EPHA3: variants seen among roughly 807,000 people sequenced by gnomAD.
EPHA3 encodes ephrin type-A receptor 3.
A neutral mutation model predicts 107.1 loss-of-function variants in EPHA3; 42 were observed. The observed-to-expected ratio is 0.39, with a 90% CI of 0.31 to 0.51. EPHA3 has a LOEUF of 0.51. EPHA3 is among the 20% of genes least tolerant of loss of function. The probability of loss-of-function intolerance (pLI) is 0.78; values close to 1 mark genes in which losing one functional copy is unlikely to be tolerated. For synonymous variants in EPHA3, 461 were observed against 424.8 expected (o/e 1.09, Z -1.05); for missense variants, 1,183 against 1,211.2 (o/e 0.98, Z 0.35).
At chr3:89,116,719 T>TAAA (rs140739470) in intron 1 of EPHA3, among the ~76,000 whole-genome samples, 3 of 132,570 alleles carry the variant, frequency 2.3e-5, no homozygotes, top group African/African-American at 5.6e-5. Flanking sequence ...ACTGTAACAT[T>TAAA]AAAAAAAAAA....
At chr3:89,423,291 G>GCTTTCAC (rs1440900927) in intron 11 of EPHA3, among the ~76,000 whole-genome samples, 47 of 151,510 alleles carry the variant, frequency 3.1e-4, no homozygotes, top group African/African-American at 1.1e-3. Context: ...AGTGGCATGA[G>GCTTTCAC]TATCCACTTT....
chr3:89,282,493 T>C (rs930288373), intron 3 of EPHA3, among the ~76,000 whole-genome samples: 6 of 152,100 alleles, frequency 3.9e-5, no homozygotes, highest in Non-Finnish European at 8.8e-5. Context: ...CTTTTTTTTG[T>C]AGTTTCCACT....
At chr3:89,373,776 G>A (rs1365265004) in intron 5 of EPHA3, among the ~76,000 whole-genome samples, 1 of 151,748 alleles carries the variant, frequency 6.6e-6, no homozygotes, top group Non-Finnish European at 1.5e-5. Flanking sequence ...TTCCATCCTG[G>A]ATCAGGCTTC....
intron 11 of EPHA3, among the ~76,000 whole-genome samples, chr3:89,421,726 T>C (rs1343918001): frequency 6.6e-6 from 1 of 151,280 alleles, no homozygotes; most frequent in Non-Finnish European, 1.5e-5. Flanking sequence ...ATTTACTGGA[T>C]GATAAGCAAC....
intron 3 of EPHA3, among the ~76,000 whole-genome samples, chr3:89,332,518 CAG>C (rs1707309949): frequency 6.6e-6 from 1 of 152,192 alleles, no homozygotes. Context: ...ACATTGCAGG[CAG>C]AGTTTAATGA....
At chr3:89,211,964 G>A (rs1242703826) in intron 3 of EPHA3, among the ~76,000 whole-genome samples, 1 of 151,746 alleles carries the variant, frequency 6.6e-6, no homozygotes, top group Admixed American at 6.6e-5. Flanking sequence ...GGCGACTAAA[G>A]AACGATTTAA....
intron 3 of EPHA3, among the ~76,000 whole-genome samples, chr3:89,256,923 C>T (rs1275232221): frequency 1.3e-5 from 2 of 152,126 alleles, no homozygotes; most frequent in East Asian, 3.9e-4. Context: ...AAGGATGTTG[C>T]TAAAGGAGAA....
intron 2 of EPHA3, among the ~76,000 whole-genome samples, 181 bp downstream of exon 2, chr3:89,127,454 A>T (rs1298046719): frequency 6.6e-6 from 1 of 151,992 alleles, no homozygotes; most frequent in Non-Finnish European, 1.5e-5. Flanking sequence ...GCTAGTGAGA[A>T]TTTTGAAGAT....
Position 89,361,424 on chromosome 3 carries a change from A to G in EPHA3, c.1306+19334A>G, listed in dbSNP as rs1483876722. On this transcript the variant is annotated intron_variant, in intron 5 of 16. Transcript: ENST00000336596. The stretch of plus-strand genomic sequence containing the variant: ...ATAAAAAGGGCTAGAAAATCAGCTT[A>G]TAACAAGCCAACTAATGACATGATA... Among the ~76,000 whole-genome samples the G allele has an allele frequency of 2.0e-5, 3 of 150,952 alleles. No individual in the cohort carries two copies. In the East Asian group the frequency reaches 5.8e-4, roughly 29 times the overall value.
At position 89,471,176 on chromosome 3, in the gene EPHA3, GA is replaced by G. The variant is rs529961766; in HGVS notation, c.2691-1277del. Among the ~76,000 whole-genome samples, 135 of 144,202 alleles carry G rather than the reference GA, an allele frequency of 9.4e-4. 1 individual carries two copies. The highest frequency in any genetic ancestry group is 2.7e-3 in the African/African-American group (107 of 39,320). The allele number at this position is 144,202 out of a possible 152,430, so 94.6% of individuals were successfully genotyped here. ...ATTAAAGAGGCCACTAAGAGCTGAA[GA>G]AAAAAAAAAACACACCAAAGACATT... On this transcript the variant is annotated intron_variant, in intron 15 of 16. Coordinates refer to ENST00000336596, the MANE Select transcript of EPHA3 (RefSeq NM_005233.6).
chr3:89,203,636 G>A (rs911658709), intron 2 of EPHA3, among the ~76,000 whole-genome samples: 6 of 152,034 alleles, frequency 3.9e-5, no homozygotes, highest in African/African-American at 1.4e-4. Flanking sequence ...AATCAGCCGG[G>A]CGCAGTGGCG....
At chr3:89,124,820 A>G (rs1162202514) in intron 1 of EPHA3, among the ~76,000 whole-genome samples, 1 of 151,968 alleles carries the variant, frequency 6.6e-6, no homozygotes, top group Admixed American at 6.5e-5. Context: ...TTTATGCTGA[A>G]TAGAGTGCAC....
At chr3:89,172,331 C>A (rs1705229512) in intron 2 of EPHA3, among the ~76,000 whole-genome samples, 1 of 152,074 alleles carries the variant, frequency 6.6e-6, no homozygotes, top group Admixed American at 6.6e-5. Context: ...CAGCAGCTTG[C>A]CATTGAGAGC....
intron 5 of EPHA3, among the ~76,000 whole-genome samples, chr3:89,355,776 G>C (rs1707933976): frequency 6.7e-6 from 1 of 149,970 alleles, no homozygotes; most frequent in African/African-American, 2.4e-5. Context: ...CGTGTCTGGG[G>C]GAAATAGAAA....
At chr3:89,442,072 G>T (rs957048127) in intron 13 of EPHA3, among the ~76,000 whole-genome samples, 2 of 151,834 alleles carry the variant, frequency 1.3e-5, no homozygotes, top group African/African-American at 4.8e-5. Flanking sequence ...TAAAAAAATT[G>T]ATGCTTAATT....
At chr3:89,399,722 T>G in intron 7 of EPHA3, 1 of 1,209,378 alleles carries the variant, frequency 8.3e-7, no homozygotes, top group Non-Finnish European at 1.0e-6. Flanking sequence ...CCTGAAATGC[T>G]TCTGTTTTTT....
chr3:89,411,165 CT>C (rs539005634), intron 9 of EPHA3, among the ~76,000 whole-genome samples: 112 of 146,840 alleles, frequency 7.6e-4, no homozygotes, highest in Middle Eastern at 7.2e-3. Flanking sequence ...AATAGTATAG[CT>C]TTTTTTTTTT....
intron 3 of EPHA3, among the ~76,000 whole-genome samples, chr3:89,254,254 T>G (rs980126841): frequency 6.6e-6 from 1 of 152,206 alleles, no homozygotes; most frequent in Non-Finnish European, 1.5e-5. Flanking sequence ...AAAATTTATG[T>G]TGGCAGACCT....
intron 3 of EPHA3, among the ~76,000 whole-genome samples, chr3:89,255,964 C>T (rs1705274841): frequency 1.3e-5 from 2 of 151,832 alleles, no homozygotes; most frequent in Admixed American, 6.6e-5. Flanking sequence ...TGGCTTACAC[C>T]TGTCTGTATA....
Sources: gnomAD v4.1 joint callset for allele counts (sites outside exome capture counted in the v4.1 genomes callset) on GRCh38, gnomAD v4.1.1 for gene constraint, MANE v1.5 for transcripts, NCBI Gene and HGNC (gene_info 2026-07-23, HGNC 2026-07-21) for gene names.